MME: variants seen among roughly 807,000 people sequenced by gnomAD.
MME encodes membrane metalloendopeptidase.
MME carries 98 observed loss-of-function variants against 113.2 expected under a neutral mutation model. The ratio of observed to expected loss-of-function variants is 0.87; its 90% CI spans 0.74 to 1.02. The LOEUF (loss-of-function observed/expected upper bound fraction) is 1.02. Among genes scored for constraint, MME ranks in the 50% least tolerant of loss-of-function variants. The probability of loss-of-function intolerance (pLI) is 0.00; values close to 1 mark genes in which losing one functional copy is unlikely to be tolerated. For synonymous variants in MME, 292 were observed against 300.6 expected, an observed-to-expected ratio of 0.97 and a Z score of 0.30; for missense variants, 836 against 896.0, an observed-to-expected ratio of 0.93 and a Z score of 0.86.
intron 3 of MME, among the ~76,000 whole-genome samples, chr3:155,098,342 T>A (rs1716912783): frequency 6.6e-6 from 1 of 151,946 alleles, no homozygotes; most frequent in Non-Finnish European, 1.5e-5. Context: ...AATCACCAGG[T>A]CAGGAGATCA....
intron 3 of MME, among the ~76,000 whole-genome samples, chr3:155,087,447 C>T (rs186961503): frequency 2.0e-5 from 3 of 151,960 alleles, no homozygotes; most frequent in African/African-American, 7.3e-5. Flanking sequence ...TGCACAGGTA[C>T]CTTGGCTGGG....
chr3:155,091,888 C>G lies in MME; in HGVS notation c.196+6794C>G, dbSNP rs545687684. 2.0e-5 allele frequency among the ~76,000 whole-genome samples: 3 copies of G among 152,240 alleles called. No homozygotes were observed. The South Asian group carries it at 6.2e-4, about 32-fold the overall frequency. The stretch of plus-strand genomic sequence containing the variant: ...ATCCTATTTCTGAACCAGCTGAAAA[C>G]TAGAATACGTTCTTTCTGTTCAAAA... On this transcript the variant is annotated intron_variant, in intron 3 of 22. Coordinates refer to ENST00000360490, the MANE Select transcript of MME (RefSeq NM_007289.4).
intron 8 of MME, among the ~76,000 whole-genome samples, chr3:155,124,731 G>A (rs866229956): frequency 1.2e-3 from 179 of 151,724 alleles, no homozygotes; most frequent in Middle Eastern, 3.4e-3. Flanking sequence ...TAGGCTGCTC[G>A]GGGGTCAGGG....
At chr3:155,105,380 T>C in intron 3 of MME, among the ~76,000 whole-genome samples, 1 of 152,236 alleles carries the variant, frequency 6.6e-6, no homozygotes, top group East Asian at 1.9e-4. Flanking sequence ...AATTTTTAAA[T>C]GTCATTTGGA....
intron 3 of MME, among the ~76,000 whole-genome samples, chr3:155,087,317 A>C (rs543703598): frequency 6.7e-6 from 1 of 149,278 alleles, no homozygotes; most frequent in East Asian, 2.0e-4. Context: ...CAATGACTAG[A>C]CACCCTGAGA....
intron 8 of MME, among the ~76,000 whole-genome samples, chr3:155,137,489 A>C (rs1168807270): frequency 1.3e-5 from 2 of 152,042 alleles, no homozygotes; most frequent in African/African-American, 4.8e-5. Context: ...GGCGGATCAC[A>C]ATGTCAGGAG....
chr3:155,083,482 C>T (rs61761169), intron 1 of MME: 12,010 of 152,802 alleles, frequency 0.079, 531 homozygotes, highest in Middle Eastern at 0.12. Context: ...TGGGATTGGG[C>T]GTGGTTAGGT....
At position 155,168,578 on chromosome 3, in the gene MME, G is replaced by T; in HGVS notation, c.1867G>T (p.Val623Leu). The change falls in exon 19 of 23, where the codon GTG (valine) becomes TTG (leucine). Residue 623 changes from valine to leucine, a missense_variant. By Grantham distance (32) the Val-to-Leu change is conservative. Coordinates refer to ENST00000360490, the MANE Select transcript of MME (RefSeq NM_007289.4). Reference protein sequence around the residue: ...SNFKEQSQCMVYQYGNFSWDL... With the variant: ...SNFKEQSQCMLYQYGNFSWDL... ...CTTTAAGGAGCAATCCCAGTGCATGGTGTATCAGTATGGAAACTTTTCCTG... is the reference window on the plus strand; with the variant it reads ...CTTTAAGGAGCAATCCCAGTGCATGTTGTATCAGTATGGAAACTTTTCCTG... The T allele has an allele frequency of 6.2e-7, 1 of 1,613,856 alleles. No homozygotes were observed. Among genetic ancestry groups the T allele is most frequent in the East Asian group, 2.2e-5 (1 of 44,834 alleles).
chr3:155,038,044 G>A (rs944979183), intron 1 of MME, among the ~76,000 whole-genome samples: 6 of 152,042 alleles, frequency 3.9e-5, no homozygotes, highest in African/African-American at 1.4e-4. Flanking sequence ...TGTAAACGTT[G>A]GAGACAGAAA....
At chr3:155,038,362 G>T (rs1446807742) in intron 1 of MME, among the ~76,000 whole-genome samples, 1 of 152,134 alleles carries the variant, frequency 6.6e-6, no homozygotes, top group East Asian at 1.9e-4. Flanking sequence ...ACTCTCTGAA[G>T]CCTTGCCCAC....
At chr3:155,150,488 T>C (rs1255820668) in intron 16 of MME, among the ~76,000 whole-genome samples, 2 of 152,192 alleles carry the variant, frequency 1.3e-5, no homozygotes, top group African/African-American at 4.8e-5. Flanking sequence ...AAATGCAATA[T>C]GAATTCTAAG....
intron 1 of MME, among the ~76,000 whole-genome samples, chr3:155,056,544 A>C (rs535689500): frequency 1.0e-4 from 15 of 149,056 alleles, no homozygotes; most frequent in African/African-American, 2.3e-4. Context: ...TCCGTGGTGT[A>C]TATGTGCCAC....
intron 18 of MME, among the ~76,000 whole-genome samples, chr3:155,168,102 G>A (rs565297066): frequency 2.0e-5 from 3 of 152,278 alleles, no homozygotes; most frequent in East Asian, 3.9e-4. Context: ...GTCCTATGAA[G>A]GGTCCAGGAA....
At chr3:155,142,640 T>G (rs1721201326) in intron 12 of MME, among the ~76,000 whole-genome samples, 1 of 152,192 alleles carries the variant, frequency 6.6e-6, no homozygotes, top group African/African-American at 2.4e-5. Context: ...AAAAGTAATT[T>G]CGGGGTTATC....
At chr3:155,172,312 C>A in intron 21 of MME, 100 bp downstream of exon 21, 1 of 879,010 alleles carries the variant, frequency 1.1e-6, no homozygotes, top group Non-Finnish European at 1.9e-6. Context: ...TTTTACAGAG[C>A]ATTTGACTTG....
At chr3:155,159,823 T>A (rs971090579) in intron 16 of MME, among the ~76,000 whole-genome samples, 7 of 152,022 alleles carry the variant, frequency 4.6e-5, no homozygotes, top group African/African-American at 1.7e-4. Context: ...CATACAAAAA[T>A]ATATCTTTGC....
upstream of MME, among the ~76,000 whole-genome samples, chr3:155,079,315 G>A (rs1429642916): frequency 2.0e-5 from 3 of 152,112 alleles, no homozygotes; most frequent in Admixed American, 1.3e-4. Flanking sequence ...CGTGAGAAGA[G>A]GCAAGCATTA....
chr3:155,142,739 T>C (rs1435957889), intron 12 of MME, among the ~76,000 whole-genome samples: 2 of 152,158 alleles, frequency 1.3e-5, no homozygotes, highest in Non-Finnish European at 2.9e-5. Flanking sequence ...CTATTGAAAG[T>C]ACCCCTACCT....
chr3:155,180,315 G>A (rs752049344), intron 22 of MME, 45 bp from the exon 23 acceptor site: 28 of 1,360,476 alleles, frequency 2.1e-5, no homozygotes, highest in Non-Finnish European at 2.7e-5. Flanking sequence ...TGGTATGGAC[G>A]TGAGTATCAA....
Sources: gnomAD v4.1 joint callset for allele counts (sites outside exome capture counted in the v4.1 genomes callset) on GRCh38, gnomAD v4.1.1 for gene constraint, MANE v1.5 for transcripts, NCBI Gene and HGNC (gene_info 2026-07-23, HGNC 2026-07-21) for gene names.